Variants in NELL1 observed in about 807,000 individuals in gnomAD.
NELL1 encodes protein kinase C-binding protein NELL1.
A neutral mutation model predicts 107.4 loss-of-function variants in NELL1; 76 were observed. The ratio of observed to expected loss-of-function variants is 0.71; its 90% CI spans 0.59 to 0.86. The LOEUF (loss-of-function observed/expected upper bound fraction) is 0.86. Ranked by LOEUF, NELL1 falls within the 40% of genes least tolerant of loss-of-function variation. NELL1 has a pLI of 0.00. For synonymous variants in NELL1, 353 were observed against 341.2 expected (o/e 1.03, Z -0.38); for missense variants, 1,024 against 1,005.5 (o/e 1.02, Z -0.25).
chr11:20,804,226 T>C lies in NELL1; in HGVS notation c.335+20396T>C, dbSNP rs905062062. 3.0e-4 allele frequency among the ~76,000 whole-genome samples: 45 copies of C among 152,174 alleles called. 1 individual carries two copies. The highest frequency in any genetic ancestry group is 1.5e-5 in the Non-Finnish European group (1 of 68,040). ...CATTTGTTTCAAAAATTTTTTTCAA[T>C]TTTATTCTTAATTGTTTATCCATTT... On this transcript the variant is annotated intron_variant, in intron 3 of 19. Transcript: ENST00000357134.
intron 15 of NELL1, among the ~76,000 whole-genome samples, chr11:21,427,610 T>C (rs1016518313): frequency 6.6e-6 from 1 of 152,316 alleles, no homozygotes; most frequent in African/African-American, 2.4e-5. Flanking sequence ...GGCTCAAACC[T>C]GTAATCCTCC....
chr11:20,974,266 C>G (rs7927347), intron 12 of NELL1, among the ~76,000 whole-genome samples: 29,760 of 152,052 alleles, frequency 0.2, 3,614 homozygotes, highest in African/African-American at 0.34. Flanking sequence ...AAAAGGAAAA[C>G]TAACATTTGT....
intron 15 of NELL1, among the ~76,000 whole-genome samples, chr11:21,461,249 G>T (rs898351145): frequency 1.3e-5 from 2 of 152,104 alleles, no homozygotes; most frequent in African/African-American, 4.8e-5. Context: ...AATGAGGACT[G>T]GGTAGAGGCA....
intron 2 of NELL1, among the ~76,000 whole-genome samples, chr11:20,710,374 C>G (rs539998645): frequency 6.6e-6 from 1 of 152,208 alleles, no homozygotes; most frequent in South Asian, 2.1e-4. Context: ...GTTAAACCAT[C>G]CCTCCATCCC....
At position 21,335,233 on chromosome 11, in the gene NELL1, A is replaced by G. The variant is rs1037252954; in HGVS notation, c.1550-35620A>G. On this transcript the variant is annotated intron_variant, in intron 14 of 19. Transcript: ENST00000357134. ...TTCTATTTTAATTCTATCCTGAGAT[A>G]TTTCCTATAGATATTTCTAAATATT... Among the ~76,000 whole-genome samples, 5 of 152,164 alleles carry G rather than the reference A, an allele frequency of 3.3e-5. No individual in the cohort carries two copies. In the South Asian group the frequency reaches 1.0e-3, roughly 32 times the overall value.
rs557715160 is a variant in NELL1, at chr11:21,151,476, G to A, written c.1426+37762G>A. 3.3e-5 allele frequency among the ~76,000 whole-genome samples: 5 copies of A among 152,102 alleles called. No homozygotes were observed. The South Asian group carries it at 1.0e-3, about 31-fold the overall frequency. On this transcript the variant is annotated intron_variant, in intron 13 of 19. Transcript: ENST00000357134. The stretch of plus-strand genomic sequence containing the variant: ...TGCATGCTGCGTGTTGATGGTGCGC[G>A]TGGTGACGTGTGTAAATTTGAAGTG...
intron 15 of NELL1, among the ~76,000 whole-genome samples, chr11:21,502,875 T>C (rs185627312): frequency 6.6e-6 from 1 of 152,182 alleles, no homozygotes; most frequent in Non-Finnish European, 1.5e-5. Context: ...TTTTAAAAAA[T>C]TTTTATTTAT....
chr11:20,902,926 A>G (rs1360559932), intron 5 of NELL1, among the ~76,000 whole-genome samples: 1 of 152,098 alleles, frequency 6.6e-6, no homozygotes, highest in African/African-American at 2.4e-5. Flanking sequence ...ACATCCATAT[A>G]TATACAAAGA....
rs550763541 is a variant in NELL1 at position 21,228,133 on chromosome 11, T to C, written c.1427-1199T>C. On this transcript the variant is annotated intron_variant, in intron 13 of 19. Coordinates refer to ENST00000357134, the MANE Select transcript of NELL1 (RefSeq NM_006157.5). ...CCTACTGGATTTTTCTTCTTAAAAT[T>C]TGTGAGAAGTTATGCTAGCAGATGT... 3.3e-5 allele frequency among the ~76,000 whole-genome samples: 5 copies of C among 152,354 alleles called. No homozygotes were observed. The South Asian group carries it at 1.0e-3, about 32-fold the overall frequency.
chr11:21,218,641 C>G (rs1419430264), intron 13 of NELL1, among the ~76,000 whole-genome samples: 1 of 152,172 alleles, frequency 6.6e-6, no homozygotes. Context: ...GTATCCTCCT[C>G]TATCTACTAT....
At chr11:21,277,621 TC>T (rs1565143929) in intron 14 of NELL1, among the ~76,000 whole-genome samples, 1 of 152,174 alleles carries the variant, frequency 6.6e-6, no homozygotes, top group East Asian at 1.9e-4. Context: ...GCGGCACTAT[TC>T]ATAATAGCAA....
chr11:21,231,002 A>G (rs1225206706), intron 14 of NELL1, among the ~76,000 whole-genome samples: 1 of 152,160 alleles, frequency 6.6e-6, no homozygotes, highest in African/African-American at 2.4e-5. Flanking sequence ...CAAAATATCC[A>G]TCAGTCTTGG....
At chr11:21,275,749 C>T (rs140715423) in intron 14 of NELL1, among the ~76,000 whole-genome samples, 4,257 of 152,230 alleles carry the variant, frequency 0.028, 200 homozygotes, top group African/African-American at 0.097. Context: ...GTTCAACATA[C>T]GCAAATCAAT....
chr11:20,717,763 A>G (rs1205027729), intron 2 of NELL1, among the ~76,000 whole-genome samples: 1 of 152,200 alleles, frequency 6.6e-6, no homozygotes, highest in Non-Finnish European at 1.5e-5. Flanking sequence ...TTGAAATTAC[A>G]TATTTTTTTG....
intron 12 of NELL1, among the ~76,000 whole-genome samples, chr11:20,989,773 A>G (rs2134255901): frequency 6.6e-6 from 1 of 152,242 alleles, no homozygotes; most frequent in East Asian, 1.9e-4. Context: ...TGGGTGGAAC[A>G]CGAGGTCAGG....
intron 13 of NELL1, among the ~76,000 whole-genome samples, chr11:21,216,372 G>T (rs1857613335): frequency 6.6e-6 from 1 of 152,202 alleles, no homozygotes; most frequent in East Asian, 1.9e-4. Context: ...CTGGGGTACT[G>T]CTTAGTGGAG....
At chr11:20,698,408 A>G (rs1854679277) in intron 2 of NELL1, among the ~76,000 whole-genome samples, 1 of 152,200 alleles carries the variant, frequency 6.6e-6, no homozygotes, top group African/African-American at 2.4e-5. Flanking sequence ...TACATTAAGG[A>G]AAGCAGAGAT....
intron 4 of NELL1, among the ~76,000 whole-genome samples, chr11:20,872,457 A>G (rs1849220000): frequency 6.6e-6 from 1 of 152,138 alleles, no homozygotes; most frequent in African/African-American, 2.4e-5. Flanking sequence ...CTGGGCTTAC[A>G]GGTATGAGCC....
intron 15 of NELL1, among the ~76,000 whole-genome samples, chr11:21,452,922 G>C (rs2133860502): frequency 6.6e-6 from 1 of 151,592 alleles, no homozygotes; most frequent in African/African-American, 2.4e-5. Context: ...TCTTTTATTA[G>C]TGAATTATAT....
Sources: allele counts gnomAD v4.1 joint callset (sites outside exome capture counted in the v4.1 genomes callset), GRCh38; gene constraint gnomAD v4.1.1; transcripts MANE v1.5; gene names NCBI Gene and HGNC (gene_info 2026-07-23, HGNC 2026-07-21).